SMS: variants seen among roughly 807,000 people sequenced by gnomAD.
SMS encodes the protein spermine synthase.
Under a neutral mutation model 33.0 loss-of-function variants are expected in SMS, and 3 were observed. That is an observed-to-expected ratio of 0.09 (90% CI 0.04 to 0.23). SMS has a LOEUF of 0.23. Ranked by LOEUF, SMS falls within the 10% of genes least tolerant of loss-of-function variation. The pLI is 1.00. For missense variants in SMS, 117 were observed against 288.6 expected (o/e 0.41, Z 4.31); for synonymous variants, 103 against 112.2 (o/e 0.92, Z 0.52).
At chrX:21,960,610 C>T (rs1569344897) in intron 1 of SMS, among the ~76,000 whole-genome samples, 1 of 111,833 alleles carries the variant, frequency 8.9e-6, no homozygotes, top group Non-Finnish European at 1.9e-5. Context: ...TTTTAAATGA[C>T]CGTACTAATA....
chrX:21,952,036 AT>A (rs1278134995), intron 1 of SMS, among the ~76,000 whole-genome samples: 4 of 111,696 alleles, frequency 3.6e-5, no homozygotes, highest in Non-Finnish European at 5.6e-5. Context: ...AAAACACTGG[AT>A]TTTGGAGCCC....
chrX:21,967,000 G>T (rs1173627643), intron 1 of SMS, among the ~76,000 whole-genome samples, 196 bp from the exon 2 acceptor site: 3 of 110,714 alleles, frequency 2.7e-5, no homozygotes, highest in Non-Finnish European at 5.7e-5. Flanking sequence ...AATGTTTATC[G>T]CTCATGTCAT....
chrX:21,942,972 C>G (rs921396445), intron 1 of SMS, among the ~76,000 whole-genome samples: 3 of 108,885 alleles, frequency 2.8e-5, no homozygotes, highest in South Asian at 8.0e-4. Context: ...ACCAAGTAGC[C>G]GGGATTACAG....
intron 3 of SMS, 133 bp from the exon 4 acceptor site, chrX:21,972,374 C>A: frequency 1.9e-6 from 1 of 514,132 alleles, no homozygotes; most frequent in Non-Finnish European, 3.5e-6. Flanking sequence ...CGTCTACAGG[C>A]TGCTAGAGGG....
chrX:21,991,164 A>T (rs554568886), intron 9 of SMS, among the ~76,000 whole-genome samples: 4 of 111,754 alleles, frequency 3.6e-5, no homozygotes, highest in African/African-American at 1.3e-4. Flanking sequence ...GGCTATTTTG[A>T]GGCAAATTAA....
chrX:21,944,544 A>AAAAAAAAAAAAAAAGAAAAG (rs1555992699), intron 1 of SMS, among the ~76,000 whole-genome samples: 8 of 99,042 alleles, frequency 8.1e-5, no homozygotes, highest in African/African-American at 1.9e-4. Context: ...AAAAAAAAAA[A>AAAAAAAAAAAAAAAGAAAAG]AGAAAAAAAA....
At chrX:21,984,186 G>C (rs1365541780) in intron 7 of SMS, 118 bp from the exon 8 acceptor site, 1 of 562,074 alleles carries the variant, frequency 1.8e-6, no homozygotes, top group Non-Finnish European at 3.2e-6. Context: ...CAGTTGCTGT[G>C]GATAGCTGTG....
intron 2 of SMS, among the ~76,000 whole-genome samples, chrX:21,971,288 C>T (rs756144998): frequency 1.4e-3 from 128 of 91,166 alleles, no homozygotes; most frequent in African/African-American, 5.6e-3. Context: ...ATGTTTATTT[C>T]ATTAAGAAAA....
At chrX:21,968,312 ACT>A (rs1923885278) in intron 2 of SMS, among the ~76,000 whole-genome samples, 1 of 111,555 alleles carries the variant, frequency 9.0e-6, no homozygotes, top group African/African-American at 3.3e-5. Context: ...TCCCTTCTCT[ACT>A]CTGTTTCTGG....
At chrX:21,945,634 T>TCCCCCCCCCCCCCCCCCCCCCCCCCCCCC (rs376720187) in intron 1 of SMS, among the ~76,000 whole-genome samples, 2 of 34,141 alleles carry the variant, frequency 5.9e-5, no homozygotes, top group African/African-American at 9.2e-5. Context: ...TTGCTTCCCG[T>TCCCCCCCCCCCCCCCCCCCCCCCCCCCCC]CCCCCCCCCC....
intron 7 of SMS, among the ~76,000 whole-genome samples, chrX:21,980,429 A>AAAAAAATAT (rs1260210326): frequency 0.019 from 1,227 of 62,953 alleles, 25 homozygotes; most frequent in Non-Finnish European, 0.03. Context: ...AAAAAAAAAA[A>AAAAAAATAT]ATATATATAT....
intron 1 of SMS, among the ~76,000 whole-genome samples, chrX:21,954,089 G>A (rs113794537): frequency 0.092 from 10,218 of 110,830 alleles, 472 homozygotes; most frequent in Admixed American, 0.25. Context: ...AAAAGCAAGA[G>A]TCTTAGTTAT....
At position 21,977,072 on chromosome X, in the gene SMS, T is replaced by C; in HGVS notation, c.341T>C (p.Ile114Thr). ...TTCTCTTTTTCCAGATTACCACCCA[T>C]AGTGCGAGGAGGAGCCATCGACAGA... ...STGRVKRLPP[I>T]VRGGAIDRYW... Residue 114 changes from isoleucine to threonine, a missense_variant, in exon 5 of 11, where the codon ATA becomes ACA. Physicochemically the swap from Ile to Thr is moderately conservative, Grantham distance 89. This residue lies in a region of SMS where 69 missense variants were observed against 203.8 expected (regional missense o/e 0.34). Transcript: ENST00000404933. The C allele has an allele frequency of 8.3e-7, 1 of 1,209,801 alleles. No homozygotes were observed.
At position 21,967,181 on chromosome X, in the gene SMS, C is replaced by T. The variant is rs1448011427; in HGVS notation, c.50-15C>T. On this transcript the variant is annotated splice_polypyrimidine_tract_variant and intron_variant, in intron 1 of 10. Coordinates refer to ENST00000404933, the MANE Select transcript of SMS (RefSeq NM_004595.5). ...TTCTTTCTGACCATCTTGCCTTCTT[C>T]CCCTTGTTCTCCAGCTGATGGTGAG... 1 of 1,208,092 alleles carries T rather than the reference C, an allele frequency of 8.3e-7. No individual in the cohort carries two copies. The highest frequency in any genetic ancestry group is 1.8e-5 in the South Asian group (1 of 56,858).
chrX:21,972,699 A>G (rs1924255430), intron 4 of SMS, 128 bp downstream of exon 4: 1 of 508,210 alleles, frequency 2.0e-6, no homozygotes, highest in Non-Finnish European at 3.5e-6. Context: ...ACTTGAAGTC[A>G]GGAGTTTGAG....
At position 21,984,348 on chromosome X, in the gene SMS, A is replaced by G. The variant is rs1288378664; in HGVS notation, c.795A>G (p.Lys265=). The change falls in exon 8 of 11, where the codon AAA becomes AAG. Residue 265 remains lysine (K), a synonymous_variant. Coordinates refer to ENST00000404933, the MANE Select transcript of SMS (RefSeq NM_004595.5). ...DCIPVLKRYA[K]EGREFDYVIN... is the part of the protein sequence containing the mutation. ...TCCCGGTACTGAAGAGGTACGCCAA[A>G]GAAGGGAGAGAATTTGATTATGTGA... 1 of 1,195,354 alleles carries G rather than the reference A, an allele frequency of 8.4e-7. No homozygotes were observed. The highest frequency in any genetic ancestry group is 1.1e-6 in the Non-Finnish European group (1 of 881,841).
intron 1 of SMS, among the ~76,000 whole-genome samples, chrX:21,943,635 G>A (rs1921981841): frequency 9.1e-6 from 1 of 110,014 alleles, no homozygotes; most frequent in Admixed American, 9.7e-5. Context: ...ACGTGTGTGT[G>A]GGGGGGTGGG....
chrX:21,950,315 GTGTT>G (rs1922513294), intron 1 of SMS, among the ~76,000 whole-genome samples: 1 of 111,018 alleles, frequency 9.0e-6, no homozygotes, highest in Non-Finnish European at 1.9e-5. Context: ...CTCAGTCCAA[GTGTT>G]TGTTCCTACG....
chrX:21,972,773 G>A (rs956911093), intron 4 of SMS, among the ~76,000 whole-genome samples: 1 of 109,786 alleles, frequency 9.1e-6, no homozygotes, highest in African/African-American at 3.3e-5. Context: ...GCTGGACGTG[G>A]TAGTGCATGC....
Sources: allele counts gnomAD v4.1 joint callset (sites outside exome capture counted in the v4.1 genomes callset), GRCh38; gene constraint gnomAD v4.1.1; regional missense constraint gnomAD v4.1.1; transcripts MANE v1.5; gene names NCBI Gene and HGNC (gene_info 2026-07-23, HGNC 2026-07-21).